The following GARIN5A variants were observed in gnomAD, a reference collection of about 807,000 sequenced individuals.
GARIN5A encodes the protein Golgi-associated RAB2 interactor protein 5A.
chr19:50,476,059 A>G, the GARIN5A span: 8 of 1,607,648 alleles, frequency 5.0e-6, no homozygotes, highest in Admixed American at 3.3e-5. Context: ...GATGCCCCCG[A>G]ATTGCCGGCC....
chr19:50,472,038 G>GTGTATA, the GARIN5A span, among the ~76,000 whole-genome samples: 18,373 of 142,680 alleles, frequency 0.13, 2,945 homozygotes, highest in African/African-American at 0.35. Flanking sequence ...ATGTACGTGT[G>GTGTATA]TGTATATGTA....
chr19:50,468,915 G>A, the GARIN5A span, among the ~76,000 whole-genome samples: 1 of 152,034 alleles, frequency 6.6e-6, no homozygotes, highest in Non-Finnish European at 1.5e-5. Flanking sequence ...CCTTTAAAAT[G>A]TATCCACAAT....
the GARIN5A span, chr19:50,476,791 A>C: frequency 6.5e-6 from 4 of 617,446 alleles, no homozygotes; most frequent in South Asian, 8.9e-5. Context: ...CTGGAAAGCC[A>C]GGCCTCAGTC....
the GARIN5A span, among the ~76,000 whole-genome samples, chr19:50,472,269 A>C: frequency 9.8e-6 from 1 of 102,176 alleles, no homozygotes; most frequent in African/African-American, 9.3e-5. Context: ...GTGTGTATAT[A>C]TGTATATATA....
the GARIN5A span, among the ~76,000 whole-genome samples, chr19:50,471,146 G>A: frequency 6.6e-6 from 1 of 151,852 alleles, no homozygotes; most frequent in African/African-American, 2.4e-5. Context: ...TGTATTTTTA[G>A]TAGAGATGGG....
the GARIN5A span, chr19:50,476,691 G>T: frequency 7.4e-7 from 1 of 1,359,282 alleles, no homozygotes; most frequent in East Asian, 2.7e-5. Flanking sequence ...TAGCGGGCGC[G>T]GTCTACGGAT....
the GARIN5A span, among the ~76,000 whole-genome samples, chr19:50,472,225 T>C: frequency 1.3e-5 from 1 of 79,882 alleles, no homozygotes; most frequent in Non-Finnish European, 2.5e-5. Flanking sequence ...TGTATGTATA[T>C]ATACATGTAT....
chr19:50,472,038 G>GTGTATC, the GARIN5A span, among the ~76,000 whole-genome samples: 1 of 145,716 alleles, frequency 6.9e-6, no homozygotes. Flanking sequence ...ATGTACGTGT[G>GTGTATC]TGTATATGTA....
At chr19:50,476,029 G>A in the GARIN5A span, 15 of 1,605,318 alleles carry the variant, frequency 9.3e-6, no homozygotes, top group South Asian at 3.3e-5. Flanking sequence ...GCACAGCCCC[G>A]CGGAGAGGAC....
At chr19:50,470,642 C>T in the GARIN5A span, among the ~76,000 whole-genome samples, 2 of 148,712 alleles carry the variant, frequency 1.3e-5, no homozygotes, top group East Asian at 2.0e-4. Context: ...TGGCGTATGG[C>T]TTGTGGCTAC....
chr19:50,468,703 A>G, the GARIN5A span, among the ~76,000 whole-genome samples: 20,865 of 152,106 alleles, frequency 0.14, 2,543 homozygotes, highest in African/African-American at 0.33. Context: ...TCTTGGGCTC[A>G]AGCAATCCTC....
At chr19:50,468,593 T>C in the GARIN5A span, among the ~76,000 whole-genome samples, 1 of 152,010 alleles carries the variant, frequency 6.6e-6, no homozygotes, top group Non-Finnish European at 1.5e-5. Flanking sequence ...CACATCCTGG[T>C]GGCTCCACTA....
chr19:50,468,353 G>A, the GARIN5A span, among the ~76,000 whole-genome samples: 2 of 134,906 alleles, frequency 1.5e-5, no homozygotes, highest in African/African-American at 5.6e-5. Flanking sequence ...CAGAGAGAGG[G>A]ACTGTGTCTC....
chr19:50,475,069 C>A, the GARIN5A span, among the ~76,000 whole-genome samples: 1 of 152,178 alleles, frequency 6.6e-6, no homozygotes, highest in African/African-American at 2.4e-5. Context: ...GCAGGCCCTG[C>A]GGAAATGATC....
At chr19:50,467,971 C>T in the GARIN5A span, 1 of 708,072 alleles carries the variant, frequency 1.4e-6, no homozygotes, top group South Asian at 1.8e-5. Context: ...AACTTGAGTC[C>T]ATTCCCAACT....
chr19:50,469,004 CCCA>C, the GARIN5A span, among the ~76,000 whole-genome samples: 2 of 152,188 alleles, frequency 1.3e-5, no homozygotes, highest in Non-Finnish European at 2.9e-5. Flanking sequence ...CAGTCTGTTC[CCCA>C]CAAGTCCCCC....
At chr19:50,473,736 C>T in the GARIN5A span, among the ~76,000 whole-genome samples, 4 of 152,076 alleles carry the variant, frequency 2.6e-5, no homozygotes, top group East Asian at 5.8e-4. Context: ...CCTGTAATCC[C>T]AGCACTTTGG....
chr19:50,472,139 T>C, the GARIN5A span, among the ~76,000 whole-genome samples: 145 of 138,976 alleles, frequency 1.0e-3, no homozygotes, highest in East Asian at 0.018. Flanking sequence ...TGTGTATATG[T>C]ATGTATACGT....
At chr19:50,476,643 G>A in the GARIN5A span, 155 of 1,540,476 alleles carry the variant, frequency 1.0e-4, no homozygotes, top group Middle Eastern at 2.3e-3. Context: ...GCCGGGCCGG[G>A]ACTGGTGCGC....
Sources: allele counts gnomAD v4.1 joint callset (sites outside exome capture counted in the v4.1 genomes callset), GRCh38; gene constraint gnomAD v4.1.1; transcripts MANE v1.5; gene names NCBI Gene and HGNC (gene_info 2026-07-23, HGNC 2026-07-21).